Variants in DLC1 observed in about 807,000 individuals in gnomAD.
The protein encoded by DLC1 is rho GTPase-activating protein 7.
In DLC1, 54 loss-of-function variants were observed where a neutral mutation model predicts 140.3. That is an observed-to-expected ratio of 0.38 (90% CI 0.31 to 0.48). DLC1 has a LOEUF of 0.48. Ranked by LOEUF, DLC1 falls within the 20% of genes least tolerant of loss-of-function variation. The pLI, the probability that DLC1 is intolerant of heterozygous loss-of-function variation, is 0.96. For synonymous variants in DLC1, 986 were observed against 728.1 expected, an observed-to-expected ratio of 1.35 and a Z score of -5.70; for missense variants, 2,536 against 1,907.0, an observed-to-expected ratio of 1.33 and a Z score of -6.14.
At chr8:13,309,225 T>A (rs556271076) in intron 4 of DLC1, among the ~76,000 whole-genome samples, 1 of 152,292 alleles carries the variant, frequency 6.6e-6, no homozygotes, top group South Asian at 2.1e-4. Flanking sequence ...ATGGGTTCGC[T>A]GTAACTTATA....
At chr8:13,385,435 C>A (rs1416488713) in intron 4 of DLC1, among the ~76,000 whole-genome samples, 6 of 152,052 alleles carry the variant, frequency 3.9e-5, no homozygotes, top group Non-Finnish European at 7.4e-5. Flanking sequence ...TAAAACCCAA[C>A]AATGACAACA....
At chr8:13,089,288 GT>G (rs5889416) in intron 15 of DLC1, among the ~76,000 whole-genome samples, 133,600 of 150,086 alleles carry the variant, frequency 0.89, 59,436 homozygotes, top group South Asian at 0.95. Context: ...GATGACATTT[GT>G]TTTTTTTTTT....
chr8:13,511,937 T>A lies in DLC1; in HGVS notation c.-126+2665A>T, dbSNP rs141322071. 2.5e-3 allele frequency among the ~76,000 whole-genome samples: 383 copies of A among 152,134 alleles called. 3 individuals carry two copies. The highest frequency in any genetic ancestry group is 8.4e-3 in the African/African-American group (350 of 41,452). ...TAAGCCTGTAAGATCTAAAACTCTA[T>A]GAATAAGATTAAACCATCCCATAAG... On this transcript the variant is annotated intron_variant, in intron 1 of 17. Transcript: ENST00000276297.
intron 7 of DLC1, among the ~76,000 whole-genome samples, chr8:13,107,267 G>C (rs768039194): frequency 2.3e-4 from 35 of 152,162 alleles, no homozygotes; most frequent in Non-Finnish European, 4.7e-4. Context: ...TTCTTGCCCT[G>C]AGTAGAAAAA....
chr8:13,291,660 G>T (rs1831761786), intron 5 of DLC1, among the ~76,000 whole-genome samples: 2 of 152,130 alleles, frequency 1.3e-5, no homozygotes, highest in African/African-American at 2.4e-5. Context: ...TAAAGTAAAT[G>T]TAAGTGACAT....
intron 2 of DLC1, among the ~76,000 whole-genome samples, chr8:13,421,734 TG>T (rs1228852152): frequency 6.6e-6 from 1 of 152,196 alleles, no homozygotes; most frequent in African/African-American, 2.4e-5. Flanking sequence ...TCCAATTCCC[TG>T]AGATCATTAA....
chr8:13,474,484 T>C (rs1366484520), intron 2 of DLC1, among the ~76,000 whole-genome samples: 5 of 152,112 alleles, frequency 3.3e-5, no homozygotes, highest in Admixed American at 3.3e-4. Flanking sequence ...CACTGCCTAG[T>C]GGAGCTGTGA....
intron 4 of DLC1, among the ~76,000 whole-genome samples, chr8:13,344,642 A>G (rs1834239545): frequency 6.6e-6 from 1 of 152,188 alleles, no homozygotes; most frequent in African/African-American, 2.4e-5. Context: ...GCTGGTAGGA[A>G]TGGTTACTGA....
At position 13,255,542 on chromosome 8, in the gene DLC1, A is replaced by G. The variant is rs191175366; in HGVS notation, c.1348+49727T>C. Among the ~76,000 whole-genome samples the G allele has an allele frequency of 7.2e-4, 109 of 152,346 alleles. 1 individual carries two copies. The South Asian group carries it at 0.01, about 14-fold the overall frequency. ...GAAATGAATGGAATGAAAGAAAAAA[A>G]TAGTAAATGAACAGATGTGAGGGTT... On this transcript the variant is annotated intron_variant, in intron 5 of 17. Coordinates refer to ENST00000276297, the MANE Select transcript of DLC1 (RefSeq NM_182643.3).
At chr8:13,405,575 A>C in intron 2 of DLC1, among the ~76,000 whole-genome samples, 1 of 151,242 alleles carries the variant, frequency 6.6e-6, no homozygotes, top group East Asian at 2.0e-4. Flanking sequence ...GGCTCTTCCC[A>C]CTCCCCTTCC....
chr8:13,174,086 G>A (rs1243993339), intron 5 of DLC1, among the ~76,000 whole-genome samples: 1 of 152,042 alleles, frequency 6.6e-6, no homozygotes, highest in African/African-American at 2.4e-5. Flanking sequence ...AATGTTTAGG[G>A]CCCACTTATG....
chr8:13,302,086 G>T (rs1237519941), intron 5 of DLC1, among the ~76,000 whole-genome samples: 1 of 152,200 alleles, frequency 6.6e-6, no homozygotes, highest in Non-Finnish European at 1.5e-5. Context: ...AAAGAAGTTG[G>T]TTGGATTCTG....
In DLC1 at chr8:13,499,865, C is replaced by T. The variant is rs750735002; in HGVS notation, c.207G>A (p.Glu69=). The part of the protein sequence containing the change: ...VSLPDCCHGS[E]LRDFPGRPMG... ...TTGGCCTCCCAGGAAAATCTCTCAGCTCTGATCCATGACAGCAGTCAGGTA... is the reference window on the plus strand; with the variant it reads ...TTGGCCTCCCAGGAAAATCTCTCAGTTCTGATCCATGACAGCAGTCAGGTA... The change falls in exon 2 of 18, where the codon GAG becomes GAA. Residue 69 remains glutamate, a synonymous_variant. Transcript: ENST00000276297. 2 of 1,614,104 alleles carry T rather than the reference C, an allele frequency of 1.2e-6. No individual in the cohort carries two copies. Among genetic ancestry groups the T allele is most frequent in the Non-Finnish European group, 1.7e-6 (2 of 1,180,016 alleles).
In DLC1 at chr8:13,500,155, AT is replaced by A. The variant is rs912777222; in HGVS notation, c.-85del. ...GAACTTGATGAAAGATTATTTCAAA[AT>A]CACCAATCAAAGAAGCGAATGAGTT... On this transcript the variant is annotated 5_prime_UTR_variant, in exon 2 of 18. The change abolishes the stop of an existing upstream ORF in the 5' untranslated region. Coordinates refer to ENST00000276297, the MANE Select transcript of DLC1 (RefSeq NM_182643.3). 7.9e-7 allele frequency: 1 copy of A among 1,263,918 alleles called. No individual in the cohort carries two copies. The highest frequency in any genetic ancestry group is 1.5e-5 in the African/African-American group (1 of 67,512). 78.3% of individuals were successfully genotyped at this position (1,263,918 alleles called of 1,614,324 possible). A position where few individuals can be genotyped will look rare whatever the true frequency, so the allele number is the denominator to read the frequency against.
intron 5 of DLC1, among the ~76,000 whole-genome samples, chr8:13,211,364 A>G (rs375496253): frequency 6.6e-6 from 1 of 151,642 alleles, no homozygotes; most frequent in Non-Finnish European, 1.5e-5. Flanking sequence ...TCTGTGTGCT[A>G]CTTTGCCTAG....
intron 5 of DLC1, among the ~76,000 whole-genome samples, chr8:13,285,792 T>A (rs1831517145): frequency 6.6e-6 from 1 of 152,134 alleles, no homozygotes; most frequent in Non-Finnish European, 1.5e-5. Context: ...CTCCTAGGAA[T>A]TACTAAAGAT....
At position 13,355,156 on chromosome 8, in the gene DLC1, T is replaced by C. The variant is rs1351500046; in HGVS notation, c.1314+38397A>G. 4.2e-5 allele frequency among the ~76,000 whole-genome samples: 6 copies of C among 142,896 alleles called. No homozygotes were observed. The Admixed American group carries it at 4.4e-4, about 10-fold the overall frequency. 93.7% of individuals were successfully genotyped at this position (142,896 alleles called of 152,430 possible). ...AAATAGTCTAAATATTACGATCAAA[T>C]TTTTAATAGACTTTGTTACTTAAAC... is the stretch of plus-strand genomic sequence containing the variant. On this transcript the variant is annotated intron_variant, in intron 4 of 17. Transcript: ENST00000276297.
chr8:13,464,863 C>G (rs1457149268), intron 2 of DLC1, among the ~76,000 whole-genome samples: 1 of 149,198 alleles, frequency 6.7e-6, no homozygotes, highest in Non-Finnish European at 1.5e-5. Flanking sequence ...GAAACTCACC[C>G]CATTACTGCC....
rs1250274864 is a variant in DLC1, at chr8:13,426,981, C to A, written c.1024-25362G>T. 2.0e-5 allele frequency among the ~76,000 whole-genome samples: 3 copies of A among 152,226 alleles called. No individual in the cohort carries two copies. In the East Asian group the frequency reaches 5.8e-4, roughly 29 times the overall value. On this transcript the variant is annotated intron_variant, in intron 2 of 17. Coordinates refer to ENST00000276297, the MANE Select transcript of DLC1 (RefSeq NM_182643.3). ...TAACTTGCCGTGCTTAAGTATGAAT[C>A]CCCCTGGCTTTTGTCTGATGCAGGT...
Sources: gnomAD v4.1 joint callset for allele counts (sites outside exome capture counted in the v4.1 genomes callset) on GRCh38, gnomAD v4.1.1 for gene constraint, MANE v1.5 for transcripts, NCBI Gene and HGNC (gene_info 2026-07-23, HGNC 2026-07-21) for gene names.